LARP4B: variants seen among roughly 807,000 people sequenced by gnomAD.
LARP4B encodes the protein la-related protein 4B.
In LARP4B, 12 loss-of-function variants were observed where a neutral mutation model predicts 89.8. The ratio of observed to expected loss-of-function variants is 0.13; its 90% CI spans 0.09 to 0.22. LARP4B has a LOEUF of 0.22. Among genes scored for constraint, LARP4B ranks in the 10% least tolerant of loss-of-function variants. LARP4B has a pLI of 1.00. For missense variants in LARP4B, 757 were observed against 947.7 expected (o/e 0.80, Z 2.64); for synonymous variants, 367 against 363.3 (o/e 1.01, Z -0.12).
Position 814,644 on chromosome 10 carries a change from G to C in LARP4B, c.1929+98C>G. 6.4e-7 allele frequency: 1 copy of C among 1,550,772 alleles called. No individual in the cohort carries two copies. The highest frequency in any genetic ancestry group is 8.7e-7 in the Non-Finnish European group (1 of 1,146,760). ...ACGCAAATAAAAACCCACCAAATTA[G>C]ATGTGATTAAAAAACGAGCAGGTGC... On this transcript the variant is annotated intron_variant, in intron 17 of 17. Coordinates refer to ENST00000316157, the MANE Select transcript of LARP4B (RefSeq NM_015155.3). This position sits in a 1 kb window ranked among gnomAD's most constrained non-coding sequence, Gnocchi z 4.4.
the LARP4B span, chr10:988,333 G>A: frequency 5.9e-6 from 4 of 674,014 alleles, no homozygotes; most frequent in Admixed American, 2.5e-5. Context: ...GCTGTGCGAC[G>A]CGGAAAGCGC....
chr10:870,260 G>A (rs578115617), intron 3 of LARP4B, among the ~76,000 whole-genome samples: 21 of 152,198 alleles, frequency 1.4e-4, no homozygotes, highest in African/African-American at 4.6e-4. Context: ...CCCTCCCATC[G>A]GGTAATAGGA....
the LARP4B span, among the ~76,000 whole-genome samples, chr10:952,124 G>T: frequency 6.6e-6 from 1 of 151,702 alleles, no homozygotes; most frequent in Non-Finnish European, 1.5e-5. Context: ...GGATCACAAG[G>T]TCAGGAGATC....
upstream of LARP4B, among the ~76,000 whole-genome samples, chr10:932,410 G>A (rs1416053767): frequency 0.085 from 2,571 of 30,212 alleles, 8 homozygotes; most frequent in Non-Finnish European, 0.12. Flanking sequence ...CCCCACCCCC[G>A]GGACCAAGGC....
chr10:962,415 G>A, the LARP4B span, among the ~76,000 whole-genome samples: 1 of 152,124 alleles, frequency 6.6e-6, no homozygotes. Flanking sequence ...AGTCACATGG[G>A]GGGTTAGGAC....
chr10:968,991 C>T, the LARP4B span, among the ~76,000 whole-genome samples: 3 of 152,300 alleles, frequency 2.0e-5, no homozygotes, highest in East Asian at 1.9e-4. Context: ...CCTTCGGAGT[C>T]GGTAGAACAC....
rs1162915479 is a variant in LARP4B, at chr10:811,484, C to T, written c.*1442G>A. 1 of 152,632 alleles carries T rather than the reference C, an allele frequency of 6.6e-6. No individual in the cohort carries two copies. The highest frequency in any genetic ancestry group is 1.5e-5 in the Non-Finnish European group (1 of 68,046). The allele number at this position is 152,632 out of a possible 1,614,324, so 9.5% of individuals were successfully genotyped here. A position where few individuals can be genotyped will look rare whatever the true frequency, so the allele number is the denominator to read the frequency against. ...AAAACTACTACTAGCTCTTGTACTA[C>T]AGTATGCTTACTCAGTAAAACTAGC... On this transcript the variant is annotated 3_prime_UTR_variant, in exon 18 of 18. Transcript: ENST00000316157.
At chr10:964,795 G>A in the LARP4B span, among the ~76,000 whole-genome samples, 18,295 of 152,242 alleles carry the variant, frequency 0.12, 1,493 homozygotes, top group Non-Finnish European at 0.18. Flanking sequence ...CGGGGCTGCG[G>A]GGAGAGAGGG....
At chr10:843,798 T>A (rs1202557007) in intron 6 of LARP4B, among the ~76,000 whole-genome samples, 1 of 151,932 alleles carries the variant, frequency 6.6e-6, no homozygotes, top group Non-Finnish European at 1.5e-5. Context: ...TACCCAAAAT[T>A]CCTCCTGTAG....
the LARP4B span, among the ~76,000 whole-genome samples, chr10:956,054 A>T: frequency 1.3e-5 from 2 of 152,140 alleles, no homozygotes; most frequent in Admixed American, 6.5e-5. This position sits in a 1 kb window ranked among gnomAD's most constrained non-coding sequence, Gnocchi z 4.3. Flanking sequence ...CAGGATCTGC[A>T]GGACAGGAGG....
At chr10:837,988 G>A (rs952301280) in intron 7 of LARP4B, among the ~76,000 whole-genome samples, 2 of 151,946 alleles carry the variant, frequency 1.3e-5, no homozygotes, top group African/African-American at 2.4e-5. Flanking sequence ...TAAATCACGT[G>A]TAATACATAT....
chr10:963,700 A>C, the LARP4B span, among the ~76,000 whole-genome samples: 20 of 152,224 alleles, frequency 1.3e-4, no homozygotes, highest in Non-Finnish European at 1.5e-4. Context: ...CTGGGTAATT[A>C]AGAAATAGTC....
At chr10:872,204 T>C (rs780418519) in intron 3 of LARP4B, among the ~76,000 whole-genome samples, 3 of 152,224 alleles carry the variant, frequency 2.0e-5, no homozygotes, top group Non-Finnish European at 2.9e-5. Context: ...CTGCACGTTA[T>C]CAGTGTTTGC....
chr10:969,995 G>C, the LARP4B span, among the ~76,000 whole-genome samples: 5 of 152,152 alleles, frequency 3.3e-5, no homozygotes, highest in Non-Finnish European at 1.5e-5. Flanking sequence ...GCCTGCAGGA[G>C]GTCCCTGGGT....
Position 814,676 on chromosome 10 carries a change from G to A in LARP4B, c.1929+66C>T. 1.3e-6 allele frequency: 2 copies of A among 1,553,162 alleles called. No individual in the cohort carries two copies. Among genetic ancestry groups the A allele is most frequent in the Non-Finnish European group, 1.7e-6 (2 of 1,147,842 alleles). On this transcript the variant is annotated intron_variant, in intron 17 of 17. Coordinates refer to ENST00000316157, the MANE Select transcript of LARP4B (RefSeq NM_015155.3). The surrounding 1 kb of genome is among the most constrained non-coding windows in gnomAD (Gnocchi z 4.4). ...TTAAAAAACGAGCAGGTGCAGGAGT[G>A]CGCAGCGTCTGTTCACACCAGAGCC...
chr10:815,226 G>A (rs1476664676), intron 15 of LARP4B, 156 bp from the exon 16 acceptor site: 4 of 738,350 alleles, frequency 5.4e-6, no homozygotes, highest in Non-Finnish European at 6.0e-6. Context: ...CAGAGCCCAG[G>A]ACTATCCTCT....
chr10:963,668 C>T, the LARP4B span, among the ~76,000 whole-genome samples: 1 of 152,192 alleles, frequency 6.6e-6, no homozygotes, highest in African/African-American at 2.4e-5. Context: ...CATTTTGCAA[C>T]ACAATAGCAG....
chr10:974,586 C>T, the LARP4B span, among the ~76,000 whole-genome samples: 7 of 152,154 alleles, frequency 4.6e-5, no homozygotes, highest in Non-Finnish European at 8.8e-5. Context: ...GGGGCTGTGG[C>T]GTGCACACTG....
At chr10:987,352 G>A in the LARP4B span, 2 of 152,212 alleles carry the variant, frequency 1.3e-5, no homozygotes, top group Admixed American at 1.3e-4. Flanking sequence ...AGGTATTTTC[G>A]CGTAAGAATA....
Sources: gnomAD v4.1 joint callset for allele counts (sites outside exome capture counted in the v4.1 genomes callset) on GRCh38, gnomAD v4.1.1 for gene constraint, Gnocchi (gnomAD v3.1) non-coding constraint, MANE v1.5 for transcripts, NCBI Gene and HGNC (gene_info 2026-07-23, HGNC 2026-07-21) for gene names.